DCC: variants seen among roughly 807,000 people sequenced by gnomAD.
DCC encodes the protein DCC netrin 1 receptor.
Under a neutral mutation model 172.5 loss-of-function variants are expected in DCC, and 58 were observed. The observed-to-expected ratio is 0.34, with a 90% CI of 0.27 to 0.42. DCC has a LOEUF of 0.42. DCC is among the 10% of genes least tolerant of loss of function. The probability of loss-of-function intolerance (pLI) is 1.00; values close to 1 mark genes in which losing one functional copy is unlikely to be tolerated. For synonymous variants in DCC, 709 were observed against 644.5 expected, an observed-to-expected ratio of 1.10 and a Z score of -1.52; for missense variants, 1,740 against 1,791.0, an observed-to-expected ratio of 0.97 and a Z score of 0.51.
rs2043861804 is a variant in DCC, at chr18:53,143,507, G to T, written c.1262-13849G>T. 2.6e-5 allele frequency among the ~76,000 whole-genome samples: 4 copies of T among 152,316 alleles called. No individual in the cohort carries two copies. In the South Asian group the frequency reaches 8.3e-4, roughly 32 times the overall value. The stretch of plus-strand genomic sequence containing the variant: ...GTTTGGCTCATGACATAGCTGGATG[G>T]CAGAGAGGGGTGAAGTCACCTCTGG... On this transcript the variant is annotated intron_variant, in intron 7 of 28. Coordinates refer to ENST00000442544, the MANE Select transcript of DCC (RefSeq NM_005215.4).
chr18:53,521,773 T>C (rs1222350418), intron 27 of DCC, among the ~76,000 whole-genome samples: 2 of 152,132 alleles, frequency 1.3e-5, no homozygotes, highest in Admixed American at 6.5e-5. Flanking sequence ...TTCTTAAACA[T>C]GTTTTTAAAA....
chr18:53,491,643 A>T (rs1272239296), intron 26 of DCC, among the ~76,000 whole-genome samples: 1 of 152,012 alleles, frequency 6.6e-6, no homozygotes, highest in Non-Finnish European at 1.5e-5. Context: ...TCCTCCCTAC[A>T]AAGGATATAA....
At chr18:52,540,758 C>T (rs972377810) in intron 1 of DCC, among the ~76,000 whole-genome samples, 2 of 151,838 alleles carry the variant, frequency 1.3e-5, no homozygotes, top group African/African-American at 2.4e-5. Context: ...AGGCGCCCGC[C>T]ACCACGCCCA....
chr18:53,350,771 C>T (rs1268139055), intron 15 of DCC, among the ~76,000 whole-genome samples: 2 of 151,792 alleles, frequency 1.3e-5, no homozygotes, highest in Non-Finnish European at 2.9e-5. Flanking sequence ...GTGGTCATTG[C>T]AATAATATGA....
intron 12 of DCC, among the ~76,000 whole-genome samples, chr18:53,224,696 G>T (rs972845206): frequency 3.3e-5 from 5 of 152,118 alleles, no homozygotes; most frequent in Non-Finnish European, 5.9e-5. Context: ...TTGGATTATA[G>T]GGCAGAAGGC....
At chr18:52,704,302 G>A (rs1036034520) in intron 1 of DCC, among the ~76,000 whole-genome samples, 1 of 152,002 alleles carries the variant, frequency 6.6e-6, no homozygotes, top group African/African-American at 2.4e-5. Flanking sequence ...AACATGGATA[G>A]TCCATTTGTT....
intron 2 of DCC, among the ~76,000 whole-genome samples, chr18:52,905,644 T>C (rs1039679304): frequency 4.6e-5 from 7 of 152,256 alleles, no homozygotes; most frequent in African/African-American, 1.7e-4. Flanking sequence ...ACAGGAATTC[T>C]GTCCATAGGA....
At chr18:53,192,369 AGT>A (rs2055378225) in intron 9 of DCC, among the ~76,000 whole-genome samples, 1 of 152,294 alleles carries the variant, frequency 6.6e-6, no homozygotes, top group South Asian at 2.1e-4. Flanking sequence ...ATGGAGAAAG[AGT>A]GAGAAAAATT....
intron 1 of DCC, among the ~76,000 whole-genome samples, chr18:52,709,761 G>C (rs570733330): frequency 1.3e-5 from 2 of 152,112 alleles, no homozygotes; most frequent in African/African-American, 4.8e-5. Flanking sequence ...AATGGACTTC[G>C]AAACCATTAG....
intron 14 of DCC, among the ~76,000 whole-genome samples, chr18:53,334,537 C>G (rs937333584): frequency 3.9e-5 from 6 of 152,298 alleles, no homozygotes; most frequent in African/African-American, 1.4e-4. Flanking sequence ...GAACTCTTTT[C>G]ATCTTGCAAA....
rs192771808 is a variant in DCC at position 53,231,178 on chromosome 18, A to G, written c.1911+15581A>G. On this transcript the variant is annotated intron_variant, in intron 12 of 28. Coordinates refer to ENST00000442544, the MANE Select transcript of DCC (RefSeq NM_005215.4). ...TACTCTATGACATGTGGGTCTTGTA[A>G]GGAACTGACATTGATGGGAAGTGAT... Among the ~76,000 whole-genome samples the G allele has an allele frequency of 2.6e-4, 40 of 152,144 alleles. No homozygotes were observed. In the East Asian group the frequency reaches 7.7e-3, roughly 29 times the overall value.
At chr18:53,162,036 C>T (rs568179731) in intron 8 of DCC, among the ~76,000 whole-genome samples, 13 of 152,176 alleles carry the variant, frequency 8.5e-5, no homozygotes, top group South Asian at 6.2e-4. Flanking sequence ...TGGTGGCTCA[C>T]GCCTGTAATC....
At chr18:53,410,129 C>T (rs1241433709) in intron 19 of DCC, among the ~76,000 whole-genome samples, 1 of 152,120 alleles carries the variant, frequency 6.6e-6, no homozygotes, top group Non-Finnish European at 1.5e-5. Flanking sequence ...CTTGTTATCT[C>T]TGTTTTACAT....
chr18:53,471,381 T>C (rs541156938), intron 25 of DCC, among the ~76,000 whole-genome samples: 1 of 152,366 alleles, frequency 6.6e-6, no homozygotes, highest in African/African-American at 2.4e-5. Context: ...TGTTGTGCTA[T>C]CAAATAGTAG....
At chr18:53,393,922 C>CTCTCTCTCTCTCTCTCTCT (rs72364865) in intron 17 of DCC, among the ~76,000 whole-genome samples, 4 of 130,864 alleles carry the variant, frequency 3.1e-5, no homozygotes, top group Admixed American at 2.9e-4. Context: ...TCCCTCTCTC[C>CTCTCTCTCTCTCTCTCTCT]CTCCCTCCCT....
intron 27 of DCC, among the ~76,000 whole-genome samples, chr18:53,520,179 A>C (rs937379708): frequency 1.3e-5 from 2 of 152,146 alleles, no homozygotes; most frequent in African/African-American, 4.8e-5. Flanking sequence ...AATCTAGGAA[A>C]GCTTCATGTG....
intron 14 of DCC, among the ~76,000 whole-genome samples, chr18:53,335,269 A>G (rs1243065800): frequency 1.3e-5 from 2 of 152,140 alleles, no homozygotes; most frequent in African/African-American, 2.4e-5. Context: ...AATTTCCTGG[A>G]TGGGTCAGTT....
At chr18:53,359,530 T>C (rs1432605445) in intron 15 of DCC, among the ~76,000 whole-genome samples, 3 of 152,186 alleles carry the variant, frequency 2.0e-5, no homozygotes, top group Non-Finnish European at 4.4e-5. Flanking sequence ...GTAGTTGTAT[T>C]TGAATAGACT....
At chr18:52,686,531 C>T (rs1020565465) in intron 1 of DCC, among the ~76,000 whole-genome samples, 8 of 152,030 alleles carry the variant, frequency 5.3e-5, no homozygotes, top group African/African-American at 1.7e-4. Context: ...CTTTGTCAGC[C>T]CACACTTCCC....
Sources: gnomAD v4.1 joint callset for allele counts (sites outside exome capture counted in the v4.1 genomes callset) on GRCh38, gnomAD v4.1.1 for gene constraint, MANE v1.5 for transcripts, NCBI Gene and HGNC (gene_info 2026-07-23, HGNC 2026-07-21) for gene names.